PPP1R13B: variants seen among roughly 807,000 people sequenced by gnomAD.
The protein encoded by PPP1R13B is protein phosphatase 1 regulatory subunit 13B.
In PPP1R13B, 44 loss-of-function variants were observed where a neutral mutation model predicts 119.8. That is an observed-to-expected ratio of 0.37 (90% CI 0.29 to 0.47). The LOEUF is 0.47. PPP1R13B is among the 20% of genes least tolerant of loss of function. PPP1R13B has a pLI of 0.99. For synonymous variants in PPP1R13B, 542 were observed against 561.5 expected (o/e 0.97, Z 0.49); for missense variants, 1,227 against 1,413.5 (o/e 0.87, Z 2.12).
chr14:103,757,792 C>A (rs771631675), intron 4 of PPP1R13B, 41 bp from the exon 5 acceptor site: 1 of 1,541,280 alleles, frequency 6.5e-7, no homozygotes, highest in Non-Finnish European at 9.0e-7. Flanking sequence ...AGTTTATCTG[C>A]ATAATTGTCT....
intron 4 of PPP1R13B, among the ~76,000 whole-genome samples, chr14:103,769,542 T>A (rs982278860): frequency 2.6e-5 from 4 of 152,170 alleles, no homozygotes; most frequent in Non-Finnish European, 5.9e-5. Flanking sequence ...ACATACTGTA[T>A]AACTAGTTTT....
chr14:103,818,380 A>C lies in PPP1R13B; in HGVS notation c.10-20862T>G, dbSNP rs74088781. ...TACTGATTAAAACATTAGGCTGCAT[A>C]TGAGTTTTCATATTTCTATGACCAT... On this transcript the variant is annotated intron_variant, in intron 1 of 16. Transcript: ENST00000202556. 1.7e-3 allele frequency: 1,016 copies of C among 608,430 alleles called. 9 individuals carry two copies. In the African/African-American group the frequency reaches 0.018, roughly 11 times the overall value. 37.7% of individuals were successfully genotyped at this position (608,430 alleles called of 1,614,324 possible).
intron 15 of PPP1R13B, chr14:103,737,139 G>A (rs2084133518): frequency 6.6e-6 from 1 of 152,376 alleles, no homozygotes. Context: ...TTGTTTTCTT[G>A]GGAATCTGGC....
At chr14:103,795,996 A>T (rs2152039129) in intron 2 of PPP1R13B, among the ~76,000 whole-genome samples, 1 of 152,352 alleles carries the variant, frequency 6.6e-6, no homozygotes, top group South Asian at 2.1e-4. Flanking sequence ...ACCCATTTTT[A>T]AAATGGGCAA....
intron 1 of PPP1R13B, among the ~76,000 whole-genome samples, chr14:103,818,182 G>C: frequency 6.6e-6 from 1 of 152,122 alleles, no homozygotes; most frequent in East Asian, 1.9e-4. Flanking sequence ...TCCTACTACA[G>C]AAAGGAAATT....
intron 1 of PPP1R13B, chr14:103,803,973 T>C (rs1490249372): frequency 6.9e-6 from 6 of 872,124 alleles, no homozygotes; most frequent in Admixed American, 6.2e-5. Context: ...CTATTTATAG[T>C]ACAACTTTCT....
chr14:103,753,433 T>C (rs1346736067), intron 6 of PPP1R13B, among the ~76,000 whole-genome samples: 3 of 152,196 alleles, frequency 2.0e-5, no homozygotes, highest in Admixed American at 2.0e-4. Context: ...AATCAGTCCA[T>C]AAGCTAGTTT....
chr14:103,835,784 A>G (rs913418693), intron 1 of PPP1R13B, among the ~76,000 whole-genome samples: 6 of 148,504 alleles, frequency 4.0e-5, no homozygotes, highest in Non-Finnish European at 7.5e-5. Context: ...AATTTTTTGT[A>G]TTTTTTAGTA....
In PPP1R13B at chr14:103,749,931, G is replaced by A. The variant is rs371385581; in HGVS notation, c.832C>T (p.Arg278Cys). Residue 278 changes from arginine (R) to cysteine (C), a missense_variant, in exon 8 of 17, where the codon CGT becomes TGT. Arg to Cys is a radical substitution (Grantham distance 180). Coordinates refer to ENST00000202556, the MANE Select transcript of PPP1R13B (RefSeq NM_015316.3). ...LKRLYQELQI[R>C]NQLNQEQNSK... ...TTTTGTTCCTGGTTAAGTTGGTTAC[G>A]AATCTACAAACCACAAAATACAACC... 3 of 1,612,690 alleles carry A rather than the reference G, an allele frequency of 1.9e-6. No individual in the cohort carries two copies. Among genetic ancestry groups the A allele is most frequent in the Non-Finnish European group, 2.5e-6 (3 of 1,179,724 alleles).
At chr14:103,807,869 T>G (rs1408237572) in intron 1 of PPP1R13B, among the ~76,000 whole-genome samples, 1 of 152,130 alleles carries the variant, frequency 6.6e-6, no homozygotes, top group Non-Finnish European at 1.5e-5. Context: ...CTTCAAGTTC[T>G]CTGTAGAAAA....
intron 4 of PPP1R13B, among the ~76,000 whole-genome samples, chr14:103,766,629 G>A (rs1275236837): frequency 6.6e-6 from 1 of 151,898 alleles, no homozygotes; most frequent in Non-Finnish European, 1.5e-5. Context: ...GTTTTTTTCA[G>A]ACAAGAGTCT....
intron 4 of PPP1R13B, among the ~76,000 whole-genome samples, chr14:103,771,996 C>A (rs148163889): frequency 4.6e-5 from 7 of 152,290 alleles, no homozygotes; most frequent in African/African-American, 9.6e-5. Flanking sequence ...CTTTGCCCCC[C>A]ACTCCTGGTT....
chr14:103,836,323 G>A (rs534950930), intron 1 of PPP1R13B, among the ~76,000 whole-genome samples: 9 of 151,986 alleles, frequency 5.9e-5, no homozygotes, highest in African/African-American at 2.4e-5. Flanking sequence ...TGAGATTACA[G>A]GCGTGAACCA....
At chr14:103,773,952 G>A (rs576158444) in intron 4 of PPP1R13B, among the ~76,000 whole-genome samples, 1 of 152,314 alleles carries the variant, frequency 6.6e-6, no homozygotes, top group East Asian at 1.9e-4. Context: ...CGGTGCCTGG[G>A]TGATTACATT....
At chr14:103,774,797 G>A (rs1410160414) in intron 4 of PPP1R13B, among the ~76,000 whole-genome samples, 2 of 152,222 alleles carry the variant, frequency 1.3e-5, no homozygotes, top group Non-Finnish European at 2.9e-5. Flanking sequence ...TAAAATGCAC[G>A]TAAAACCGCT....
intron 3 of PPP1R13B, among the ~76,000 whole-genome samples, chr14:103,779,202 T>C (rs572741914): frequency 3.9e-5 from 6 of 151,944 alleles, no homozygotes; most frequent in South Asian, 2.1e-4. Flanking sequence ...GGCGGGAGAA[T>C]GACTTGAGTG....
chr14:103,792,256 C>T (rs2085641861), intron 2 of PPP1R13B, among the ~76,000 whole-genome samples: 1 of 151,782 alleles, frequency 6.6e-6, no homozygotes, highest in African/African-American at 2.4e-5. Flanking sequence ...GGCTGGAGCA[C>T]TGAAGTGCAG....
chr14:103,821,644 G>C (rs1201097202), intron 1 of PPP1R13B, among the ~76,000 whole-genome samples: 1 of 152,136 alleles, frequency 6.6e-6, no homozygotes, highest in East Asian at 1.9e-4. Context: ...CCAGATACTC[G>C]GGAGGCTAAG....
Position 103,847,343 on chromosome 14 carries a change from T to C in PPP1R13B, c.-36A>G. On this transcript the variant is annotated 5_prime_UTR_variant, in exon 1 of 17. Coordinates refer to ENST00000202556, the MANE Select transcript of PPP1R13B (RefSeq NM_015316.3). ...GTCCGCGACGCCCTCGGCCGCCGCC[T>C]GACAGGACGCTCCGCGCCGAGCTGT... The C allele has an allele frequency of 8.6e-7, 1 of 1,157,600 alleles. No homozygotes were observed. The allele number at this position is 1,157,600 out of a possible 1,614,324, so 71.7% of individuals were successfully genotyped here.
Sources: gnomAD v4.1 joint callset for allele counts (sites outside exome capture counted in the v4.1 genomes callset) on GRCh38, gnomAD v4.1.1 for gene constraint, MANE v1.5 for transcripts, NCBI Gene and HGNC (gene_info 2026-07-23, HGNC 2026-07-21) for gene names.